The following RAPGEF3 variants were observed in gnomAD, a reference collection of about 807,000 sequenced individuals.
RAPGEF3 encodes Rap guanine nucleotide exchange factor 3.
Under a neutral mutation model 129.8 loss-of-function variants are expected in RAPGEF3, and 103 were observed. The observed-to-expected ratio is 0.79, with a 90% CI of 0.68 to 0.93. RAPGEF3 has a LOEUF of 0.93. Ranked by LOEUF, RAPGEF3 falls within the 40% of genes least tolerant of loss-of-function variation. The pLI, the probability that RAPGEF3 is intolerant of heterozygous loss-of-function variation, is 0.00. For synonymous variants in RAPGEF3, 436 were observed against 482.6 expected, an observed-to-expected ratio of 0.90 and a Z score of 1.26; for missense variants, 1,117 against 1,207.4, an observed-to-expected ratio of 0.93 and a Z score of 1.11.
chr12:47,740,546 T>G, intron 21 of RAPGEF3, 96 bp downstream of exon 21: 1 of 1,509,338 alleles, frequency 6.6e-7, no homozygotes, highest in African/African-American at 1.4e-5. Flanking sequence ...ACAAATAGGG[T>G]GGCAGATTTG....
chr12:47,737,530 T>C lies in RAPGEF3; in HGVS notation c.*37A>G. The C allele has an allele frequency of 6.3e-7, 1 of 1,586,820 alleles. No individual in the cohort carries two copies. On this transcript the variant is annotated 3_prime_UTR_variant, in exon 28 of 28. Transcript: ENST00000449771. ...CCCGGCACACCCTGGCTTTCCCGGC[T>C]GCAAGTGCCTGCTCCAGCTCCAGTC...
intron 6 of RAPGEF3, among the ~76,000 whole-genome samples, chr12:47,750,796 G>A (rs2136793838): frequency 6.6e-6 from 1 of 152,302 alleles, no homozygotes. Flanking sequence ...AGTGGGAAGG[G>A]TCCTCAGAGA....
chr12:47,740,161 A>C lies in RAPGEF3; in HGVS notation c.2353T>G (p.Ser785Ala). ...RLPHKVRKLY[S>A]ALERLLDPSW... ...CTCACCAGCAGCCTCTCGAGGGCGG[A>C]GTACAGCTTCCGGACTTTGTGAGGC... The change falls in exon 23 of 28, where the codon TCC (serine) becomes GCC (alanine). Residue 785 changes from serine (S) to alanine (A), a missense_variant. This residue lies in a region of RAPGEF3 where 643 missense variants were observed against 673.4 expected (regional missense o/e 0.95). Coordinates refer to ENST00000449771, the MANE Select transcript of RAPGEF3 (RefSeq NM_001098531.4). The C allele has an allele frequency of 1.2e-6, 2 of 1,613,492 alleles. No homozygotes were observed. Among genetic ancestry groups the C allele is most frequent in the Non-Finnish European group, 1.7e-6 (2 of 1,179,864 alleles).
In RAPGEF3 at chr12:47,740,837, G is replaced by A. The variant is rs372974493; in HGVS notation, c.2050-14C>T. The A allele has an allele frequency of 5.0e-6, 8 of 1,613,690 alleles. No homozygotes were observed. The highest frequency in any genetic ancestry group is 5.9e-6 in the Non-Finnish European group (7 of 1,179,886). ...GATCAGCTCCACCTGGGTGGGGTCA[G>A]CAGGAGAGGTCAGCGAGTGCTGAGC... On this transcript the variant is annotated splice_polypyrimidine_tract_variant and intron_variant, in intron 20 of 27. Coordinates refer to ENST00000449771, the MANE Select transcript of RAPGEF3 (RefSeq NM_001098531.4).
At chr12:47,741,788 G>A (rs777643265) in intron 18 of RAPGEF3, 186 bp from the exon 19 acceptor site, 3 of 605,236 alleles carry the variant, frequency 5.0e-6, no homozygotes, top group Non-Finnish European at 9.0e-6. Context: ...GCCCAGGGAA[G>A]CACATCCAAG....
intron 27 of RAPGEF3, 38 bp downstream of exon 27, chr12:47,737,984 A>ACCCCCACCCAGCC: frequency 1.9e-6 from 3 of 1,540,292 alleles, no homozygotes; most frequent in African/African-American, 1.4e-5. Flanking sequence ...TACCATAAGC[A>ACCCCCACCCAGCC]CCCCCTCCCT....
In RAPGEF3 at chr12:47,734,695, T is replaced by C. The variant is rs1940746251; in HGVS notation, c.*2872A>G. On this transcript the variant is annotated 3_prime_UTR_variant, in exon 28 of 28. Coordinates refer to ENST00000449771, the MANE Select transcript of RAPGEF3 (RefSeq NM_001098531.4). ...TTCAAGTCTTAACCTATTATTATCA[T>C]GGTAAATCTTGTGACTATTGGGAAG... 6.6e-6 allele frequency: 1 copy of C among 152,246 alleles called. No homozygotes were observed. The highest frequency in any genetic ancestry group is 1.9e-4 in the East Asian group (1 of 5,202). The allele number at this position is 152,246 out of a possible 1,614,324, so 9.4% of individuals were successfully genotyped here. A position where few individuals can be genotyped will look rare whatever the true frequency, so the allele number is the denominator to read the frequency against.
At chr12:47,751,271 T>A (rs2136797546) in intron 5 of RAPGEF3, 55 bp from the exon 6 acceptor site, 1 of 1,546,850 alleles carries the variant, frequency 6.5e-7, no homozygotes, top group East Asian at 2.4e-5. Context: ...GCTATGTGGG[T>A]ATGAAACCCC....
chr12:47,742,950 G>GA (rs1212129974), intron 18 of RAPGEF3, among the ~76,000 whole-genome samples: 4 of 152,194 alleles, frequency 2.6e-5, no homozygotes, highest in Non-Finnish European at 5.9e-5. Flanking sequence ...CTAAACAAAT[G>GA]AAGACTACTT....
In RAPGEF3 at chr12:47,747,543, C is replaced by T; in HGVS notation, c.1556+1G>A. On this transcript the variant is annotated splice_donor_variant, in intron 15 of 27. Coordinates refer to ENST00000449771, the MANE Select transcript of RAPGEF3 (RefSeq NM_001098531.4). LOFTEE classifies it high-confidence loss of function. ...ACAAATTAACAGAGTCAAAGCATCA[C>T]CTGTGGCATCGCCGCCTCTCTGGCC... The T allele has an allele frequency of 6.2e-7, 1 of 1,613,560 alleles. No individual in the cohort carries two copies. Among genetic ancestry groups the T allele is most frequent in the Non-Finnish European group, 8.5e-7 (1 of 1,179,572 alleles).
intron 16 of RAPGEF3, chr12:47,745,639 T>C (rs1390916792): frequency 6.6e-6 from 1 of 152,080 alleles, no homozygotes; most frequent in Admixed American, 6.5e-5. Context: ...GAGTTGGCTC[T>C]TCCCCTCCCG....
chr12:47,749,260 C>T lies in RAPGEF3; in HGVS notation c.1041+130G>A. On this transcript the variant is annotated intron_variant, in intron 10 of 27. Coordinates refer to ENST00000449771, the MANE Select transcript of RAPGEF3 (RefSeq NM_001098531.4). The surrounding 1 kb of genome is among the most constrained non-coding windows in gnomAD (Gnocchi z 4.5). The stretch of plus-strand genomic sequence containing the variant: ...ACACCCAGGGCTATGGTCCCACTGC[C>T]AGCTGTCATAGCCCAGCATCTCTTA... 1 of 1,171,406 alleles carries T rather than the reference C, an allele frequency of 8.5e-7. No homozygotes were observed. Among genetic ancestry groups the T allele is most frequent in the Non-Finnish European group, 1.2e-6 (1 of 805,104 alleles). 72.6% of individuals were successfully genotyped at this position (1,171,406 alleles called of 1,614,324 possible).
Position 47,748,168 on chromosome 12 carries a change from A to T in RAPGEF3, c.1244-16T>A. 1 of 1,549,690 alleles carries T rather than the reference A, an allele frequency of 6.5e-7. No homozygotes were observed. Among genetic ancestry groups the T allele is most frequent in the Non-Finnish European group, 8.8e-7 (1 of 1,142,242 alleles). On this transcript the variant is annotated splice_polypyrimidine_tract_variant and intron_variant, in intron 12 of 27. Coordinates refer to ENST00000449771, the MANE Select transcript of RAPGEF3 (RefSeq NM_001098531.4). ...AGGAATGTCTCTGTATGACAGGGTG[A>T]GGGGATGGGAGGAGGCTTCAGAGGC...
At chr12:47,741,855 C>T in intron 18 of RAPGEF3, 1 of 526,434 alleles carries the variant, frequency 1.9e-6, no homozygotes, top group Non-Finnish European at 3.4e-6. Flanking sequence ...TCTGAGCCTC[C>T]CTCAGCCTCA....
At chr12:47,737,721 C>A (rs1173108573) in intron 27 of RAPGEF3, 36 bp from the exon 28 acceptor site, 1 of 1,583,310 alleles carries the variant, frequency 6.3e-7, no homozygotes, top group East Asian at 2.2e-5. Context: ...GCACTGATGC[C>A]CCTTTGTGGA....
chr12:47,744,163 G>A (rs1030138784), intron 16 of RAPGEF3, 95 bp from the exon 17 acceptor site: 12 of 1,056,300 alleles, frequency 1.1e-5, no homozygotes, highest in African/African-American at 1.6e-5. Flanking sequence ...CCAGGAGCAC[G>A]GGCGCCACAC....
intron 2 of RAPGEF3, chr12:47,752,550 G>A (rs961147519): frequency 6.4e-6 from 1 of 157,442 alleles, no homozygotes; most frequent in African/African-American, 2.4e-5. Flanking sequence ...CTTCCCCACT[G>A]ATGGCAGATG....
rs1565761547 is a variant in RAPGEF3 at position 47,749,568 on chromosome 12, T to C, written c.895-32A>G. 11 of 1,452,568 alleles carry C rather than the reference T, an allele frequency of 7.6e-6. No individual in the cohort carries two copies. Among genetic ancestry groups the C allele is most frequent in the Non-Finnish European group, 1.0e-5 (11 of 1,079,560 alleles). The allele number at this position is 1,452,568 out of a possible 1,614,324, so 90.0% of individuals were successfully genotyped here. A position where few individuals can be genotyped will look rare whatever the true frequency, so the allele number is the denominator to read the frequency against. On this transcript the variant is annotated intron_variant, in intron 9 of 27. Transcript: ENST00000449771. This position sits in a 1 kb window ranked among gnomAD's most constrained non-coding sequence, Gnocchi z 4.5. ...CCAGGCCTCAGTCTCAGCCCGCCCC[T>C]GCCGCCCCTGCCGCCCCCAGCTCTT...
In RAPGEF3 at chr12:47,747,991, C is replaced by T. The variant is rs902961877; in HGVS notation, c.1322+83G>A. On this transcript the variant is annotated intron_variant, in intron 13 of 27. Transcript: ENST00000449771. ...AGGCTGGCATTTAAAGGGCTCAGCA[C>T]AGCCACGCTGGTGAGATTTTCTCTC... 19 of 1,560,564 alleles carry T rather than the reference C, an allele frequency of 1.2e-5. No individual in the cohort carries two copies. The African/African-American group carries it at 2.3e-4, about 19-fold the overall frequency.
Sources: gnomAD v4.1 joint callset for allele counts (sites outside exome capture counted in the v4.1 genomes callset) on GRCh38, gnomAD v4.1.1 for gene constraint, gnomAD v4.1.1 regional missense constraint, Gnocchi (gnomAD v3.1) non-coding constraint, MANE v1.5 for transcripts, NCBI Gene and HGNC (gene_info 2026-07-23, HGNC 2026-07-21) for gene names.